Variants in ZNF839 observed in about 807,000 individuals in gnomAD.
ZNF839 encodes renal carcinoma antigen NY-REN-50.
In ZNF839, 38 loss-of-function variants were observed where a neutral mutation model predicts 56.4. The ratio of observed to expected loss-of-function variants is 0.67; its 90% CI spans 0.52 to 0.88. The LOEUF is 0.88. ZNF839 is among the 40% of genes least tolerant of loss of function. The probability of loss-of-function intolerance (pLI) is 0.00; values close to 1 mark genes in which losing one functional copy is unlikely to be tolerated. For synonymous variants in ZNF839, 486 were observed against 493.5 expected, an observed-to-expected ratio of 0.98 and a Z score of 0.20; for missense variants, 1,091 against 1,177.6, an observed-to-expected ratio of 0.93 and a Z score of 1.08.
At chr14:102,330,839 C>T (rs781324592) in intron 2 of ZNF839, among the ~76,000 whole-genome samples, 38 of 152,080 alleles carry the variant, frequency 2.5e-4, no homozygotes, top group African/African-American at 5.6e-4. Flanking sequence ...TATTTTTCTA[C>T]GTTATTATTC....
upstream of ZNF839, chr14:102,319,728 G>A: frequency 8.2e-7 from 1 of 1,226,354 alleles, no homozygotes; most frequent in South Asian, 4.1e-5. The surrounding 1 kb of genome is among the most constrained non-coding windows in gnomAD (Gnocchi z 4.5). Context: ...AGACGCCGTC[G>A]CTCAGCGACC....
intron 2 of ZNF839, 53 bp from the exon 3 acceptor site, chr14:102,331,569 G>A (rs2073781889): frequency 1.3e-6 from 2 of 1,489,190 alleles, no homozygotes. Flanking sequence ...TTTTTATGGG[G>A]TATATAAAGC....
chr14:102,326,698 TAACCC>T lies in ZNF839; in HGVS notation c.1004_1008del (p.Asn335ArgfsTer13). The T allele has an allele frequency of 1.9e-6, 3 of 1,612,750 alleles. No individual in the cohort carries two copies. Among genetic ancestry groups the T allele is most frequent in the South Asian group, 1.1e-5 (1 of 90,854 alleles). Reference sequence around the variant, plus strand: ...GGGGACTGGCCCGACATTTTAAACTTAACCCAGGCCACGGCCAGTTGGACCCCGAG... The same window carrying T: ...GGGGACTGGCCCGACATTTTAAACTTAGGCCACGGCCAGTTGGACCCCGAG... On this transcript the variant is annotated frameshift_variant, in exon 2 of 8. Coordinates refer to ENST00000442396, the MANE Select transcript of ZNF839 (RefSeq NM_018335.6). LOFTEE classifies it high-confidence loss of function. This position sits in a 1 kb window ranked among gnomAD's most constrained non-coding sequence, Gnocchi z 4.3.
Position 102,338,927 on chromosome 14 carries a change from G to A in ZNF839, c.1771G>A (p.Ala591Thr), listed in dbSNP as rs773980262. 22 of 1,613,914 alleles carry A rather than the reference G, an allele frequency of 1.4e-5. No individual in the cohort carries two copies. The South Asian group carries it at 2.2e-4, about 16-fold the overall frequency. The change falls in exon 6 of 8, where the codon GCT (alanine) becomes ACT (threonine). Residue 591 changes from alanine (A) to threonine (T), a missense_variant. This residue lies in a region of ZNF839 where 431 missense variants were observed against 468.0 expected (regional missense o/e 0.92). Transcript: ENST00000442396. ...RDMDGEQLEGASSEKREREAA... is the reference protein window; with the variant it reads ...RDMDGEQLEGTSSEKREREAA... ...CATGGATGGGGAGCAGCTAGAGGGA[G>A]CTAGCAGCGAGAAGAGGGAACGTGA...
intron 4 of ZNF839, chr14:102,335,258 C>G (rs544795566): frequency 1.6e-4 from 25 of 158,394 alleles, no homozygotes; most frequent in Admixed American, 1.3e-3. Flanking sequence ...CAAATAATGG[C>G]TATCCTGGGC....
chr14:102,326,750 AGTGGAAGCACCCTCCGGGGGTGCACG>A lies in ZNF839; in HGVS notation c.1056_1081del (p.Ser352ArgfsTer20). 1 of 1,613,306 alleles carries A rather than the reference AGTGGAAGCACCCTCCGGGGGTGCACG, an allele frequency of 6.2e-7. No individual in the cohort carries two copies. Among genetic ancestry groups the A allele is most frequent in the Non-Finnish European group, 8.5e-7 (1 of 1,179,668 alleles). ...CGAGATGGTGCTGTCTGAGAAAGCC[AGTGGAAGCACCCTCCGGGGGTGCACG>A]GAGGAAAGGACGCTCAGCCTGACCT... is the stretch of plus-strand genomic sequence containing the variant. On this transcript the variant is annotated frameshift_variant, in exon 2 of 8. Transcript: ENST00000442396. LOFTEE classifies it high-confidence loss of function. The surrounding 1 kb of genome is among the most constrained non-coding windows in gnomAD (Gnocchi z 4.3).
In ZNF839 at chr14:102,326,641, T is replaced by C; in HGVS notation, c.945T>C (p.Cys315=). 6.2e-7 allele frequency: 1 copy of C among 1,613,418 alleles called. No homozygotes were observed. Among genetic ancestry groups the C allele is most frequent in the East Asian group, 2.2e-5 (1 of 44,868 alleles). Residue 315 remains cysteine (C), a synonymous_variant, in exon 2 of 8, where the codon TGT becomes TGC. Transcript: ENST00000442396. The surrounding 1 kb of genome is among the most constrained non-coding windows in gnomAD (Gnocchi z 4.3). ...CCCTGAGGCCCAAAAGCTTTAAGTG[T>C]CAGACTTGTGAAAAGTCATATATAG... ...SCSLRPKSFK[C]QTCEKSYIGK... is the part of the protein sequence containing the mutation.
In ZNF839 at chr14:102,338,866, C is replaced by A. The variant is rs1173906270; in HGVS notation, c.1710C>A (p.His570Gln). 6.2e-7 allele frequency: 1 copy of A among 1,613,822 alleles called. No homozygotes were observed. Among genetic ancestry groups the A allele is most frequent in the African/African-American group, 1.3e-5 (1 of 74,880 alleles). Reference protein sequence around the residue: ...ITEFLRKKEIHPDNLGPKHLS... With the variant: ...ITEFLRKKEIQPDNLGPKHLS... ...AATTCCTACGGAAGAAAGAAATACA[C>A]CCAGACAACCTTGGACCCAAGCACC... The change falls in exon 6 of 8, where the codon CAC (histidine) becomes CAA (glutamine). Residue 570 changes from histidine to glutamine, a missense_variant. Physicochemically the swap from His to Gln is conservative, Grantham distance 24. Coordinates refer to ENST00000442396, the MANE Select transcript of ZNF839 (RefSeq NM_018335.6).
At chr14:102,327,869 A>G (rs1459707283) in intron 2 of ZNF839, among the ~76,000 whole-genome samples, 1 of 151,274 alleles carries the variant, frequency 6.6e-6, no homozygotes, top group Non-Finnish European at 1.5e-5. Flanking sequence ...AACCAATGGC[A>G]GTGCGCTCTT....
chr14:102,328,370 AAAAAAATATATATATATATAT>A (rs1167912573), intron 2 of ZNF839, among the ~76,000 whole-genome samples: 11 of 49,218 alleles, frequency 2.2e-4, no homozygotes, highest in African/African-American at 8.6e-4. Flanking sequence ...AAAAAAAAAA[AAAAAAATATATATATATATAT>A]ATATATATAT....
At position 102,326,132 on chromosome 14, in the gene ZNF839, G is replaced by A. The variant is rs775310666; in HGVS notation, c.436G>A (p.Ala146Thr). The A allele has an allele frequency of 1.2e-5, 20 of 1,613,708 alleles. No individual in the cohort carries two copies. The highest frequency in any genetic ancestry group is 1.6e-5 in the Non-Finnish European group (19 of 1,179,842). Residue 146 changes from alanine (A) to threonine (T), a missense_variant, in exon 2 of 8, where the codon GCC becomes ACC. Physicochemically the swap from Ala to Thr is moderately conservative, Grantham distance 58. Transcript: ENST00000442396. The surrounding 1 kb of genome is among the most constrained non-coding windows in gnomAD (Gnocchi z 4.3). Reference sequence around the variant, plus strand: ...TTCCTGCCTGGTGGGGCTCCATATCGCCAGCCCTCAGCTGCTCAGGGTACA... The same window carrying A: ...TTCCTGCCTGGTGGGGCTCCATATCACCAGCCCTCAGCTGCTCAGGGTACA... ...GNSCLVGLHI[A>T]SPQLLRVQPL...
Position 102,341,336 on chromosome 14 carries a change from A to G in ZNF839, c.1941A>G (p.Pro647=). The G allele has an allele frequency of 6.6e-7, 1 of 1,520,136 alleles. No homozygotes were observed. Among genetic ancestry groups the G allele is most frequent in the East Asian group, 2.3e-5 (1 of 44,042 alleles). The allele number at this position is 1,520,136 out of a possible 1,614,324, so 94.2% of individuals were successfully genotyped here. ...LHALAAGFSP[P]VNVTVSPRSE... ...CAAAATGTTTAGGTTTTTCCCCTCCAGTAAATGTGACTGTCTCTCCCCGTT... is the reference window on the plus strand; with the variant it reads ...CAAAATGTTTAGGTTTTTCCCCTCCGGTAAATGTGACTGTCTCTCCCCGTT... Residue 647 remains proline (P), a synonymous_variant, in exon 8 of 8, where the codon CCA becomes CCG. Coordinates refer to ENST00000442396, the MANE Select transcript of ZNF839 (RefSeq NM_018335.6).
intron 5 of ZNF839, chr14:102,337,531 C>T (rs898155460): frequency 4.6e-5 from 7 of 152,120 alleles, no homozygotes; most frequent in East Asian, 1.9e-4. Flanking sequence ...CATGTAGATG[C>T]CCTCCACAGC....
intron 2 of ZNF839, among the ~76,000 whole-genome samples, chr14:102,329,248 G>C (rs780328728): frequency 6.6e-6 from 1 of 151,990 alleles, no homozygotes; most frequent in African/African-American, 2.4e-5. Context: ...GATTACAGGC[G>C]TGAGCCACCA....
intron 3 of ZNF839, among the ~76,000 whole-genome samples, chr14:102,333,149 A>AT (rs2073863362): frequency 6.6e-6 from 1 of 150,880 alleles, no homozygotes; most frequent in African/African-American, 2.4e-5. Context: ...TAATGAAAAG[A>AT]TTTTTCTGTA....
In ZNF839 at chr14:102,339,188, G is replaced by A. The variant is rs370674726; in HGVS notation, c.1892G>A (p.Arg631Gln). ...TCTCTTGCTGCCAACAGCAGAGGCC[G>A]GGAGAAGCCCAGGCCCTTGCATGCT... ...TESLAANSRG[R>Q]EKPRPLHALA... The change falls in exon 7 of 8, where the codon CGG becomes CAG. Residue 631 changes from arginine to glutamine, a missense_variant. This residue lies in a region of ZNF839 where 431 missense variants were observed against 468.0 expected (regional missense o/e 0.92). Coordinates refer to ENST00000442396, the MANE Select transcript of ZNF839 (RefSeq NM_018335.6). The A allele has an allele frequency of 7.4e-5, 119 of 1,611,904 alleles. No individual in the cohort carries two copies. In the Middle Eastern group the frequency reaches 1.6e-3, roughly 22 times the overall value.
At position 102,332,329 on chromosome 14, in the gene ZNF839, C is replaced by T. The variant is rs115736847; in HGVS notation, c.1416+483C>T. On this transcript the variant is annotated intron_variant, in intron 3 of 7. Coordinates refer to ENST00000442396, the MANE Select transcript of ZNF839 (RefSeq NM_018335.6). This position sits in a 1 kb window ranked among gnomAD's most constrained non-coding sequence, Gnocchi z 4.9. ...TTTGTATTTTTAGTAGAAATAGGGT[C>T]TCACCTTGTTGGTCAGGCTGGTCTC... is the stretch of plus-strand genomic sequence containing the variant. Among the ~76,000 whole-genome samples the T allele has an allele frequency of 4.0e-3, 615 of 152,030 alleles. 9 individuals are homozygous for T. The highest frequency in any genetic ancestry group is 0.014 in the African/African-American group (573 of 41,498).
chr14:102,325,034 T>C (rs1379090477), intron 1 of ZNF839, among the ~76,000 whole-genome samples: 1 of 152,086 alleles, frequency 6.6e-6, no homozygotes, highest in Non-Finnish European at 1.5e-5. Context: ...CTTAGTGGAT[T>C]ATGACTAGTA....
intron 1 of ZNF839, among the ~76,000 whole-genome samples, chr14:102,322,345 G>A (rs897338862): frequency 3.3e-5 from 5 of 152,196 alleles, no homozygotes; most frequent in African/African-American, 7.2e-5. Context: ...GTATGGCAGG[G>A]GAAACCGCCC....
Sources: allele counts gnomAD v4.1 joint callset (sites outside exome capture counted in the v4.1 genomes callset), GRCh38; gene constraint gnomAD v4.1.1; regional missense constraint gnomAD v4.1.1; non-coding constraint Gnocchi (gnomAD v3.1); transcripts MANE v1.5; gene names NCBI Gene and HGNC (gene_info 2026-07-23, HGNC 2026-07-21).